Variants in DCAF6 observed in about 807,000 individuals in gnomAD.
The protein encoded by DCAF6 is DDB1- and CUL4-associated factor 6.
Under a neutral mutation model 125.1 loss-of-function variants are expected in DCAF6, and 54 were observed. That is an observed-to-expected ratio of 0.43 (90% CI 0.35 to 0.54). The LOEUF (loss-of-function observed/expected upper bound fraction) is 0.54. Among genes scored for constraint, DCAF6 ranks in the 20% least tolerant of loss-of-function variants. The pLI is 0.01. For missense variants in DCAF6, 934 were observed against 1,161.7 expected, an observed-to-expected ratio of 0.80 and a Z score of 2.85; for synonymous variants, 371 against 390.4, an observed-to-expected ratio of 0.95 and a Z score of 0.58.
chr1:168,020,016 G>GATGA (rs1233325873), intron 11 of DCAF6: 2 of 152,724 alleles, frequency 1.3e-5, no homozygotes, highest in Non-Finnish European at 2.9e-5. Context: ...GCAAAACAGT[G>GATGA]ATGAGTCTTT....
At chr1:167,865,529 C>G in the DCAF6 span, among the ~76,000 whole-genome samples, 6 of 152,030 alleles carry the variant, frequency 3.9e-5, no homozygotes, top group Non-Finnish European at 8.8e-5. Context: ...ACATTAATAA[C>G]ACACTAATAT....
the DCAF6 span, chr1:167,893,987 C>G: frequency 7.3e-7 from 1 of 1,362,426 alleles, no homozygotes; most frequent in South Asian, 1.2e-5. Flanking sequence ...GGAAGTTTGG[C>G]TCTGCAGTGC....
chr1:167,906,135 C>T, the DCAF6 span, among the ~76,000 whole-genome samples: 6 of 151,992 alleles, frequency 3.9e-5, no homozygotes, highest in South Asian at 1.2e-3. Flanking sequence ...GAGACAGTCG[C>T]TTATATCCCT....
At chr1:167,923,526 G>C in the DCAF6 span, among the ~76,000 whole-genome samples, 68 of 152,250 alleles carry the variant, frequency 4.5e-4, no homozygotes, top group African/African-American at 1.5e-3. Context: ...TAGAATGGTG[G>C]TTGCCAGGGA....
chr1:168,060,631 C>A (rs1691471696), intron 17 of DCAF6, among the ~76,000 whole-genome samples: 1 of 152,192 alleles, frequency 6.6e-6, no homozygotes, highest in East Asian at 1.9e-4. Context: ...GTGACTCATG[C>A]CTGTAATCCC....
chr1:167,935,754 G>C, upstream of DCAF6: 1 of 1,564,204 alleles, frequency 6.4e-7, no homozygotes, highest in Admixed American at 1.9e-5. Context: ...TTGTACAACG[G>C]CCTCAATTTC....
chr1:167,976,886 G>GTTTTTTTTTTTT (rs397981860), intron 4 of DCAF6, among the ~76,000 whole-genome samples: 4 of 38,010 alleles, frequency 1.1e-4, no homozygotes, highest in Non-Finnish European at 1.5e-4. Context: ...TCCTTTAGCA[G>GTTTTTTTTTTTT]TTTTTTTTTT....
intron 7 of DCAF6, among the ~76,000 whole-genome samples, chr1:167,994,387 G>A (rs538089499): frequency 1.3e-5 from 2 of 152,198 alleles, no homozygotes; most frequent in African/African-American, 4.8e-5. Flanking sequence ...AAATGTGTAT[G>A]TCCATGGATC....
chr1:168,073,717 G>C (rs1693423528), intron 21 of DCAF6, among the ~76,000 whole-genome samples: 1 of 152,012 alleles, frequency 6.6e-6, no homozygotes, highest in Non-Finnish European at 1.5e-5. Context: ...TGACAGGATA[G>C]GTTTCTTGAA....
the DCAF6 span, among the ~76,000 whole-genome samples, chr1:167,909,422 G>A: frequency 6.6e-6 from 1 of 152,160 alleles, no homozygotes; most frequent in Non-Finnish European, 1.5e-5. Flanking sequence ...GGGTCATAGG[G>A]TATACACATG....
At chr1:168,023,224 C>G in intron 12 of DCAF6, 177 bp downstream of exon 12, 2 of 642,238 alleles carry the variant, frequency 3.1e-6, no homozygotes, top group South Asian at 2.1e-5. Context: ...TTGGCCTATA[C>G]AGATTATTTT....
the DCAF6 span, chr1:167,883,330 G>A: frequency 1.6e-5 from 21 of 1,301,052 alleles, no homozygotes; most frequent in South Asian, 3.6e-5. Context: ...GAGCCACCAC[G>A]CCCAGCCTCT....
At position 167,975,114 on chromosome 1, in the gene DCAF6, G is replaced by A. The variant is rs1677948578; in HGVS notation, c.438+99G>A. ...TGCATGTGTGTACATGTACAGATGT[G>A]TGTGTATGCACATTTGATGCATATA... is the stretch of plus-strand genomic sequence containing the variant. On this transcript the variant is annotated intron_variant, in intron 4 of 21. Transcript: ENST00000367840. 2.6e-5 allele frequency: 17 copies of A among 646,480 alleles called. No homozygotes were observed. In the South Asian group the frequency reaches 6.8e-4, roughly 26 times the overall value. The allele number at this position is 646,480 out of a possible 1,614,324, so 40.0% of individuals were successfully genotyped here. A position where few individuals can be genotyped will look rare whatever the true frequency, so the allele number is the denominator to read the frequency against.
the DCAF6 span, among the ~76,000 whole-genome samples, chr1:167,882,085 AG>A: frequency 6.6e-6 from 1 of 152,222 alleles, no homozygotes; most frequent in East Asian, 1.9e-4. Context: ...GCAGTAATTA[AG>A]TGCTCTGCTT....
chr1:168,069,338 A>G (rs1228411453), intron 21 of DCAF6, among the ~76,000 whole-genome samples: 4 of 152,292 alleles, frequency 2.6e-5, no homozygotes, highest in Non-Finnish European at 2.9e-5. Flanking sequence ...ATCTCAAACT[A>G]TTCTAGCTGA....
intron 8 of DCAF6, among the ~76,000 whole-genome samples, chr1:168,003,086 A>G (rs61423719): frequency 0.11 from 16,543 of 152,172 alleles, 1,018 homozygotes; most frequent in African/African-American, 0.16. Context: ...TCTGTAACCA[A>G]AATCTTACTA....
chr1:168,026,504 A>G (rs763606844), intron 12 of DCAF6, among the ~76,000 whole-genome samples: 1 of 152,158 alleles, frequency 6.6e-6, no homozygotes, highest in African/African-American at 2.4e-5. Context: ...GAGGGATCCA[A>G]CCTAAGGCAA....
At chr1:167,926,544 T>C in the DCAF6 span, among the ~76,000 whole-genome samples, 4 of 152,220 alleles carry the variant, frequency 2.6e-5, no homozygotes, top group Non-Finnish European at 2.9e-5. Context: ...ATTAGCCAAG[T>C]CAGCGGTTCT....
In DCAF6 at chr1:167,974,913, A is replaced by G. The variant is rs746215430; in HGVS notation, c.336A>G (p.Val112=). 1.2e-6 allele frequency: 2 copies of G among 1,609,536 alleles called. No individual in the cohort carries two copies. Among genetic ancestry groups the G allele is most frequent in the Non-Finnish European group, 1.7e-6 (2 of 1,177,898 alleles). ...CTTGTACAAATGATAAACAGATTGT[A>G]TCCTGCTCTGGAGATGGAGTAATAT... ...FLPCTNDKQI[V]SCSGDGVIFY... The change falls in exon 4 of 22, where the codon GTA becomes GTG. Residue 112 remains valine (V), a synonymous_variant. Coordinates refer to ENST00000367840, the MANE Select transcript of DCAF6 (RefSeq NM_001198956.2).
Sources: allele counts gnomAD v4.1 joint callset (sites outside exome capture counted in the v4.1 genomes callset), GRCh38; gene constraint gnomAD v4.1.1; transcripts MANE v1.5; gene names NCBI Gene and HGNC (gene_info 2026-07-23, HGNC 2026-07-21).